The following NDC1 variants were observed in gnomAD, a reference collection of about 807,000 sequenced individuals.
NDC1 encodes nucleoporin NDC1.
Under a neutral mutation model 89.8 loss-of-function variants are expected in NDC1, and 24 were observed. That is an observed-to-expected ratio of 0.27 (90% confidence interval 0.19 to 0.38). The LOEUF (loss-of-function observed/expected upper bound fraction) is 0.38. NDC1 is among the 10% of genes least tolerant of loss of function. NDC1 has a pLI of 1.00. For synonymous variants in NDC1, 296 were observed against 284.8 expected (o/e 1.04, Z -0.39); for missense variants, 728 against 797.6 (o/e 0.91, Z 1.05).
chr1:53,819,020 C>T lies in NDC1; in HGVS notation c.654G>A (p.Val218=). Residue 218 remains valine, a synonymous_variant, in exon 6 of 18, where the codon GTG becomes GTA. Transcript: ENST00000371429. Reference sequence around the variant, plus strand: ...AATTTCTAACCAGGAACAGTGATTCCACACAACTGTGTTTAACTAATAAGA... The same window carrying T: ...AATTTCTAACCAGGAACAGTGATTCTACACAACTGTGTTTAACTAATAAGA... ...SLLLLVKHSC[V]ESLFLVRNFC... 6.3e-7 allele frequency: 1 copy of T among 1,578,880 alleles called. No individual in the cohort carries two copies. The highest frequency in any genetic ancestry group is 8.6e-7 in the Non-Finnish European group (1 of 1,166,778).
intron 17 of NDC1, 40 bp from the exon 18 acceptor site, chr1:53,768,073 C>A: frequency 7.1e-7 from 1 of 1,412,210 alleles, no homozygotes; most frequent in Non-Finnish European, 9.8e-7. Flanking sequence ...CTTTATTTTA[C>A]ATTAAGCATA....
chr1:53,768,228 A>G (rs1647082541), intron 17 of NDC1, among the ~76,000 whole-genome samples, 195 bp from the exon 18 acceptor site: 1 of 152,236 alleles, frequency 6.6e-6, no homozygotes, highest in African/African-American at 2.4e-5. Context: ...CAGTAATGGC[A>G]TGCTTCTATC....
At chr1:53,795,428 T>C (rs113722917) in intron 13 of NDC1, among the ~76,000 whole-genome samples, 4 of 152,196 alleles carry the variant, frequency 2.6e-5, no homozygotes, top group African/African-American at 4.8e-5. Context: ...GGTTGTCTCA[T>C]AGGTATCTCA....
At chr1:53,799,614 C>T (rs879760950) in intron 11 of NDC1, among the ~76,000 whole-genome samples, 16 of 152,088 alleles carry the variant, frequency 1.1e-4, no homozygotes, top group African/African-American at 2.9e-4. Flanking sequence ...AGATTTCAGG[C>T]TTCTCTTTTT....
At chr1:53,819,212 T>C (rs995301790) in intron 5 of NDC1, 133 bp from the exon 6 acceptor site, 149 of 602,286 alleles carry the variant, frequency 2.5e-4, no homozygotes, top group Non-Finnish European at 3.7e-4. Context: ...ACAAAGAGTA[T>C]TGCAGAAGCA....
intron 16 of NDC1, among the ~76,000 whole-genome samples, chr1:53,777,466 C>T (rs1322599583): frequency 6.6e-6 from 1 of 152,134 alleles, no homozygotes; most frequent in Non-Finnish European, 1.5e-5. Context: ...GTCCAACACA[C>T]CCTAATGGTA....
intron 6 of NDC1, among the ~76,000 whole-genome samples, chr1:53,817,851 T>C (rs1648530792): frequency 6.6e-6 from 1 of 152,112 alleles, no homozygotes; most frequent in Non-Finnish European, 1.5e-5. Flanking sequence ...TTTCTGAAGG[T>C]AGGATTTTGT....
At chr1:53,801,448 C>T (rs1367841965) in intron 10 of NDC1, among the ~76,000 whole-genome samples, 1 of 152,150 alleles carries the variant, frequency 6.6e-6, no homozygotes, top group Non-Finnish European at 1.5e-5. Context: ...TACTGTGTCC[C>T]CATTCCTTTA....
chr1:53,822,866 C>T (rs562079355), intron 5 of NDC1, among the ~76,000 whole-genome samples: 1 of 152,222 alleles, frequency 6.6e-6, no homozygotes, highest in African/African-American at 2.4e-5. Context: ...GCTTGGCTAT[C>T]AATCATCACA....
chr1:53,793,971 GA>G (rs1378372999), intron 13 of NDC1, among the ~76,000 whole-genome samples: 6 of 149,508 alleles, frequency 4.0e-5, no homozygotes, highest in South Asian at 4.3e-4. Context: ...CTCTCACAGG[GA>G]AAAAAAAATC....
At chr1:53,774,903 TAAATA>T (rs1411155342) in intron 16 of NDC1, among the ~76,000 whole-genome samples, 1 of 151,900 alleles carries the variant, frequency 6.6e-6, no homozygotes, top group Non-Finnish European at 1.5e-5. Flanking sequence ...AAAAACTAAA[TAAATA>T]AAATAAAATA....
At chr1:53,814,357 A>AAAATAAAT (rs574505547) in intron 6 of NDC1, among the ~76,000 whole-genome samples, 5 of 151,708 alleles carry the variant, frequency 3.3e-5, no homozygotes, top group African/African-American at 1.2e-4. Context: ...TCCGTCTCAA[A>AAAATAAAT]AAATAAATAA....
In NDC1 at chr1:53,815,640, T is replaced by G. The variant is rs139677104; in HGVS notation, c.703+3331A>C. On this transcript the variant is annotated intron_variant, in intron 6 of 17. Transcript: ENST00000371429. The stretch of plus-strand genomic sequence containing the variant: ...GAGAAAGAATTTAAAGGCATCCAAA[T>G]CAGTAAAAAGGAAGTCAAACTGTCA... Among the ~76,000 whole-genome samples, 1,323 of 152,246 alleles carry G rather than the reference T, an allele frequency of 8.7e-3. 15 individuals are homozygous for G. The highest frequency in any genetic ancestry group is 0.031 in the African/African-American group (1,273 of 41,546).
intron 15 of NDC1, 107 bp downstream of exon 15, chr1:53,789,026 T>G: frequency 1.4e-6 from 1 of 712,718 alleles, no homozygotes; most frequent in Non-Finnish European, 2.4e-6. Context: ...AACGAATCTG[T>G]ACATTCAAAG....
chr1:53,772,723 AAAC>A (rs372511126), intron 16 of NDC1, among the ~76,000 whole-genome samples: 55 of 118,706 alleles, frequency 4.6e-4, no homozygotes, highest in African/African-American at 1.9e-3. Context: ...TAACATAACA[AAAC>A]AAAACAAACA....
At chr1:53,797,358 C>T (rs573210913) in intron 11 of NDC1, among the ~76,000 whole-genome samples, 205 of 147,752 alleles carry the variant, frequency 1.4e-3, no homozygotes, top group African/African-American at 4.9e-3. Context: ...TCTGTCAGAT[C>T]GATATAGTCT....
intron 3 of NDC1, among the ~76,000 whole-genome samples, chr1:53,832,045 A>T (rs946178414): frequency 6.6e-6 from 1 of 152,146 alleles, no homozygotes; most frequent in Non-Finnish European, 1.5e-5. Flanking sequence ...TATTGTGGTA[A>T]AATAATAAAA....
intron 3 of NDC1, among the ~76,000 whole-genome samples, chr1:53,831,367 A>T (rs1649060936): frequency 6.8e-6 from 1 of 146,668 alleles, no homozygotes; most frequent in Non-Finnish European, 1.5e-5. Context: ...CATTTAAAAA[A>T]TTTTTTTTAA....
chr1:53,837,903 C>G (rs1318036109), intron 1 of NDC1, among the ~76,000 whole-genome samples: 2 of 152,216 alleles, frequency 1.3e-5, no homozygotes, highest in African/African-American at 4.8e-5. Context: ...TATTTTGCAC[C>G]TACTGGATAC....
Sources: gnomAD v4.1 joint callset for allele counts (sites outside exome capture counted in the v4.1 genomes callset) on GRCh38, gnomAD v4.1.1 for gene constraint, MANE v1.5 for transcripts, NCBI Gene and HGNC (gene_info 2026-07-23, HGNC 2026-07-21) for gene names.